The following FAT3 variants were observed in gnomAD, a reference collection of about 807,000 sequenced individuals.
FAT3 encodes protocadherin Fat 3.
FAT3 carries 95 observed loss-of-function variants against 310.2 expected under a neutral mutation model. The ratio of observed to expected loss-of-function variants is 0.31; its 90% CI spans 0.26 to 0.36. The LOEUF (loss-of-function observed/expected upper bound fraction) is 0.36, where lower values mean the gene tolerates loss of function less well. FAT3 is among the 10% of genes least tolerant of loss of function. FAT3 has a pLI of 1.00. For missense variants in FAT3, 5,408 were observed against 5,715.6 expected, an observed-to-expected ratio of 0.95 and a Z score of 1.74; for synonymous variants, 2,314 against 2,192.9, an observed-to-expected ratio of 1.06 and a Z score of -1.54.
chr11:92,227,986 T>C (rs2134218379), intron 1 of FAT3, among the ~76,000 whole-genome samples: 1 of 152,210 alleles, frequency 6.6e-6, no homozygotes, highest in Admixed American at 6.5e-5. Context: ...AATGTTGATA[T>C]TCAATCATGA....
At chr11:92,624,271 C>T (rs1941223537) in intron 3 of FAT3, among the ~76,000 whole-genome samples, 1 of 152,124 alleles carries the variant, frequency 6.6e-6, no homozygotes, top group South Asian at 2.1e-4. Context: ...GAAAAACATT[C>T]CTTTGCAGAG....
chr11:92,575,801 T>A (rs1192881912), intron 3 of FAT3, among the ~76,000 whole-genome samples: 1 of 152,092 alleles, frequency 6.6e-6, no homozygotes, highest in Non-Finnish European at 1.5e-5. Flanking sequence ...TTAATCTAAA[T>A]AAGTTAATAG....
intron 3 of FAT3, among the ~76,000 whole-genome samples, chr11:92,542,048 C>T (rs1393554775): frequency 6.6e-6 from 1 of 151,888 alleles, no homozygotes; most frequent in Non-Finnish European, 1.5e-5. Context: ...TTATAACCAA[C>T]TAAAATTTCA....
At chr11:92,547,097 C>T (rs1954641126) in intron 3 of FAT3, among the ~76,000 whole-genome samples, 1 of 152,106 alleles carries the variant, frequency 6.6e-6, no homozygotes, top group Non-Finnish European at 1.5e-5. Context: ...TGTGGCTGGT[C>T]ATCGAGCTGC....
intron 4 of FAT3, among the ~76,000 whole-genome samples, chr11:92,752,549 G>A (rs1945856947): frequency 6.6e-6 from 1 of 152,202 alleles, no homozygotes; most frequent in South Asian, 2.1e-4. Context: ...TATCCCAACA[G>A]CCTAGGGTAG....
At chr11:92,568,514 C>G (rs1442690474) in intron 3 of FAT3, among the ~76,000 whole-genome samples, 1 of 152,096 alleles carries the variant, frequency 6.6e-6, no homozygotes, top group African/African-American at 2.4e-5. Flanking sequence ...AAATTTGTTC[C>G]TCTTAGACCC....
intron 4 of FAT3, among the ~76,000 whole-genome samples, chr11:92,720,341 A>G (rs553224937): frequency 8.5e-5 from 13 of 152,364 alleles, no homozygotes; most frequent in African/African-American, 2.9e-4. Context: ...AAATGAAACA[A>G]TAAGTCATTG....
At chr11:92,233,076 C>T (rs1490067837) in intron 1 of FAT3, among the ~76,000 whole-genome samples, 1 of 152,050 alleles carries the variant, frequency 6.6e-6, no homozygotes, top group Non-Finnish European at 1.5e-5. Context: ...TCTTTTTGAA[C>T]TGCATTTGAT....
chr11:92,741,636 C>T (rs971736862), intron 4 of FAT3, among the ~76,000 whole-genome samples: 3 of 152,148 alleles, frequency 2.0e-5, no homozygotes, highest in African/African-American at 7.2e-5. Context: ...TTTAAGTCTA[C>T]GGAGTTGATC....
At chr11:92,781,021 T>C (rs1399298512) in intron 7 of FAT3, among the ~76,000 whole-genome samples, 1 of 151,848 alleles carries the variant, frequency 6.6e-6, no homozygotes, top group Non-Finnish European at 1.5e-5. Flanking sequence ...TGATACCTGG[T>C]ATTTATATAA....
chr11:92,314,214 T>G, intron 1 of FAT3: 1 of 705,082 alleles, frequency 1.4e-6, no homozygotes, highest in Non-Finnish European at 1.7e-6. Flanking sequence ...AGGAATGAAG[T>G]TTTGTGGTTT....
chr11:92,346,531 C>T (rs899333843), intron 1 of FAT3, among the ~76,000 whole-genome samples: 2 of 152,062 alleles, frequency 1.3e-5, no homozygotes, highest in Non-Finnish European at 2.9e-5. Context: ...CCTCTCTGGA[C>T]CCTTTATCCT....
intron 1 of FAT3, among the ~76,000 whole-genome samples, chr11:92,279,515 G>T (rs1319621480): frequency 1.3e-5 from 2 of 152,092 alleles, no homozygotes; most frequent in Non-Finnish European, 2.9e-5. Context: ...ACATGTGTGA[G>T]TGCATGTGCA....
intron 13 of FAT3, among the ~76,000 whole-genome samples, chr11:92,811,330 A>G (rs1180458073): frequency 6.6e-6 from 1 of 152,210 alleles, no homozygotes; most frequent in East Asian, 1.9e-4. Context: ...TTTGATTTTG[A>G]GAATGTATAA....
intron 13 of FAT3, among the ~76,000 whole-genome samples, chr11:92,812,643 T>C (rs1947709249): frequency 6.6e-6 from 1 of 152,004 alleles, no homozygotes; most frequent in Non-Finnish European, 1.5e-5. Context: ...GCTGTTAATA[T>C]TTAAAAGTCA....
At chr11:92,647,047 T>C (rs577157341) in intron 3 of FAT3, among the ~76,000 whole-genome samples, 1 of 152,264 alleles carries the variant, frequency 6.6e-6, no homozygotes, top group South Asian at 2.1e-4. Flanking sequence ...CTTTTACCCA[T>C]TGGCTTTTAG....
At chr11:92,442,373 A>T (rs1171608886) in intron 2 of FAT3, among the ~76,000 whole-genome samples, 3 of 150,826 alleles carry the variant, frequency 2.0e-5, no homozygotes, top group Non-Finnish European at 4.4e-5. Context: ...TCGGCCTCCC[A>T]AAGTGCTGGG....
chr11:92,359,987 A>G (rs1299814457), intron 2 of FAT3, among the ~76,000 whole-genome samples: 1 of 150,790 alleles, frequency 6.6e-6, no homozygotes, highest in Non-Finnish European at 1.5e-5. Flanking sequence ...TCCTTTGGGT[A>G]TATACCCAGT....
At chr11:92,284,806 C>T (rs1321911780) in intron 1 of FAT3, among the ~76,000 whole-genome samples, 2 of 152,084 alleles carry the variant, frequency 1.3e-5, no homozygotes, top group Non-Finnish European at 2.9e-5. Flanking sequence ...GCCAGACTGT[C>T]GCATGCTTCT....
Sources: gnomAD v4.1 joint callset for allele counts (sites outside exome capture counted in the v4.1 genomes callset) on GRCh38, gnomAD v4.1.1 for gene constraint, MANE v1.5 for transcripts, NCBI Gene and HGNC (gene_info 2026-07-23, HGNC 2026-07-21) for gene names.